Variants in PTPRJ observed in about 807,000 individuals in gnomAD.
PTPRJ encodes the protein receptor-type tyrosine-protein phosphatase eta.
A neutral mutation model predicts 141.3 loss-of-function variants in PTPRJ; 129 were observed. The ratio of observed to expected loss-of-function variants is 0.91; its 90% CI spans 0.79 to 1.06. The LOEUF (loss-of-function observed/expected upper bound fraction) is 1.06, where lower values mean the gene tolerates loss of function less well. Among genes scored for constraint, PTPRJ ranks in the 50% least tolerant of loss-of-function variants. PTPRJ has a pLI of 0.00. For synonymous variants in PTPRJ, 610 were observed against 640.5 expected (o/e 0.95, Z 0.72); for missense variants, 1,601 against 1,679.7 (o/e 0.95, Z 0.82).
rs532303587 is a variant in PTPRJ, at chr11:48,169,230, G to A, written c.*1868G>A. The A allele has an allele frequency of 6.6e-6, 1 of 152,314 alleles. No individual in the cohort carries two copies. The highest frequency in any genetic ancestry group is 6.5e-5 in the Admixed American group (1 of 15,296). The allele number at this position is 152,314 out of a possible 1,614,324, so 9.4% of individuals were successfully genotyped here. A position where few individuals can be genotyped will look rare whatever the true frequency, so the allele number is the denominator to read the frequency against. On this transcript the variant is annotated 3_prime_UTR_variant, in exon 25 of 25. Coordinates refer to ENST00000418331, the MANE Select transcript of PTPRJ (RefSeq NM_002843.4). ...GGTACTGAAAGGATGAAAAGGTGGTGTCATGTTTTGGGGAGAATCTTACTT... is the reference window on the plus strand; with the variant it reads ...GGTACTGAAAGGATGAAAAGGTGGTATCATGTTTTGGGGAGAATCTTACTT...
intron 1 of PTPRJ, among the ~76,000 whole-genome samples, chr11:48,109,078 G>A (rs1016103595): frequency 6.6e-6 from 1 of 152,092 alleles, no homozygotes; most frequent in Non-Finnish European, 1.5e-5. Context: ...GAAAAGGTCT[G>A]GGCAGAGTGT....
At chr11:48,130,763 A>G in intron 8 of PTPRJ, 47 bp downstream of exon 8, 1 of 1,494,608 alleles carries the variant, frequency 6.7e-7, no homozygotes, top group Non-Finnish European at 9.0e-7. Context: ...TCTTAAAGGA[A>G]ATCAGTATAA....
intron 1 of PTPRJ, among the ~76,000 whole-genome samples, chr11:47,999,003 A>G (rs1854421034): frequency 6.6e-6 from 1 of 152,234 alleles, no homozygotes; most frequent in Non-Finnish European, 1.5e-5. Flanking sequence ...GCAACTTGGT[A>G]GTTAATGATT....
Position 48,075,476 on chromosome 11 carries a change from G to T in PTPRJ, c.97-34582G>T, listed in dbSNP as rs564827553. On this transcript the variant is annotated intron_variant, in intron 1 of 24. Transcript: ENST00000418331. ...CTCACTCTATCACCCAGGCTGGAGT[G>T]CAGTGGTGCAGTCATAGCTCACTGC... 2.4e-4 allele frequency among the ~76,000 whole-genome samples: 37 copies of T among 152,280 alleles called. No homozygotes were observed. The South Asian group carries it at 7.5e-3, about 31-fold the overall frequency.
rs143802852 is a variant in PTPRJ at position 48,084,523 on chromosome 11, T to A, written c.97-25535T>A. ...GGCCCATGTCCCCAATCAGGTTTGATTATGCAAATGAAGGGGGCGGGTCAA... is the reference window on the plus strand; with the variant it reads ...GGCCCATGTCCCCAATCAGGTTTGAATATGCAAATGAAGGGGGCGGGTCAA... On this transcript the variant is annotated intron_variant, in intron 1 of 24. Transcript: ENST00000418331. 6.6e-5 allele frequency among the ~76,000 whole-genome samples: 10 copies of A among 152,280 alleles called. No homozygotes were observed. In the East Asian group the frequency reaches 1.5e-3, roughly 23 times the overall value.
rs1404588807 is a variant in PTPRJ, at chr11:48,144,706, C to T, written c.2607C>T (p.Tyr869=). Residue 869 remains tyrosine (Y), a synonymous_variant, in exon 13 of 25, where the codon TAC becomes TAT. Transcript: ENST00000418331. ...AGHPSADVLK[Y]TYEDFKKGAS... is the part of the protein sequence containing the mutation. ...ACCCTTCTGCAGATGTCCTGAAATA[C>T]ACGTATGAGGATTTCAAAAAGGGAG... is the stretch of plus-strand genomic sequence containing the variant. The T allele has an allele frequency of 6.2e-7, 1 of 1,614,068 alleles. No homozygotes were observed. The highest frequency in any genetic ancestry group is 8.5e-7 in the Non-Finnish European group (1 of 1,179,922).
chr11:48,162,930 G>A (rs1341967701), intron 22 of PTPRJ, among the ~76,000 whole-genome samples: 6 of 152,160 alleles, frequency 3.9e-5, no homozygotes, highest in African/African-American at 1.4e-4. Context: ...CTTGCTAGTG[G>A]CCTGTCACTT....
intron 1 of PTPRJ, among the ~76,000 whole-genome samples, chr11:47,991,868 A>G (rs1854200785): frequency 6.6e-6 from 1 of 152,192 alleles, no homozygotes; most frequent in Non-Finnish European, 1.5e-5. Context: ...ATGGATCTGC[A>G]TGACAAATGC....
chr11:48,080,798 T>C (rs10742827), intron 1 of PTPRJ, among the ~76,000 whole-genome samples: 103,171 of 152,082 alleles, frequency 0.68, 36,004 homozygotes, highest in East Asian at 0.81. Context: ...CAGAGTACCT[T>C]AGCTCTGTCT....
chr11:47,980,592 G>A lies in PTPRJ; in HGVS notation c.-321G>A, dbSNP rs1853868314. 3 of 983,000 alleles carry A rather than the reference G, an allele frequency of 3.1e-6. No individual in the cohort carries two copies. The South Asian group carries it at 1.4e-4, about 46-fold the overall frequency. 60.9% of individuals were successfully genotyped at this position (983,000 alleles called of 1,614,324 possible). A position where few individuals can be genotyped will look rare whatever the true frequency, so the allele number is the denominator to read the frequency against. On this transcript the variant is annotated 5_prime_UTR_variant, in exon 1 of 25. Transcript: ENST00000418331. ...CCGCATGACGCGCGGAGGAGGCAGC[G>A]GGAGCAGCCGCGGGAGCCGGGACCG...
intron 1 of PTPRJ, among the ~76,000 whole-genome samples, chr11:48,080,452 G>GT (rs1176073125): frequency 6.6e-6 from 1 of 152,188 alleles, no homozygotes; most frequent in African/African-American, 2.4e-5. Flanking sequence ...TTGGATCAGA[G>GT]TCCATCTGAG....
intron 6 of PTPRJ, 80 bp downstream of exon 6, chr11:48,125,266 G>T: frequency 6.7e-7 from 1 of 1,485,818 alleles, no homozygotes; most frequent in Admixed American, 1.8e-5. Flanking sequence ...GATTCTGAGT[G>T]ATTTCTTGCA....
chr11:48,163,392 C>T (rs1009362055), intron 22 of PTPRJ, 66 bp from the exon 23 acceptor site: 17 of 1,498,328 alleles, frequency 1.1e-5, no homozygotes, highest in Non-Finnish European at 1.6e-5. Context: ...GCTTGATTTC[C>T]CCTGCCTTTT....
At chr11:48,051,084 CTTTTTTTTTTTTTTTTT>C (rs59987198) in intron 1 of PTPRJ, among the ~76,000 whole-genome samples, 5 of 79,310 alleles carry the variant, frequency 6.3e-5, no homozygotes, top group Non-Finnish European at 9.1e-5. Context: ...TAACTGATGA[CTTTTTTTTTTTTTTTTT>C]TTTTTTTTTT....
intron 1 of PTPRJ, among the ~76,000 whole-genome samples, chr11:48,006,346 C>T (rs1471385054): frequency 1.3e-5 from 2 of 151,682 alleles, no homozygotes; most frequent in Non-Finnish European, 2.9e-5. Context: ...GAAAGGAGGG[C>T]AGAATCTGCT....
At chr11:48,088,724 T>C (rs1855779378) in intron 1 of PTPRJ, among the ~76,000 whole-genome samples, 2 of 152,198 alleles carry the variant, frequency 1.3e-5, no homozygotes, top group Admixed American at 1.3e-4. Context: ...GAGCTTCTTA[T>C]GGCTCTTATG....
intron 1 of PTPRJ, among the ~76,000 whole-genome samples, chr11:48,010,533 T>C (rs1017609665): frequency 1.3e-5 from 2 of 151,670 alleles, no homozygotes; most frequent in Non-Finnish European, 2.9e-5. Flanking sequence ...GAGTTAGGCT[T>C]TTATTATTAT....
chr11:48,097,702 TAA>T (rs1166145258), intron 1 of PTPRJ, among the ~76,000 whole-genome samples: 1 of 152,070 alleles, frequency 6.6e-6, no homozygotes, highest in African/African-American at 2.4e-5. Flanking sequence ...CAAGCCCGGC[TAA>T]GTTTTTGTAT....
chr11:48,129,999 A>G (rs1319919479), intron 7 of PTPRJ, among the ~76,000 whole-genome samples: 1 of 120,872 alleles, frequency 8.3e-6, no homozygotes, highest in Admixed American at 9.6e-5. Context: ...TGTTTCCAAC[A>G]GGTATGCACA....
Sources: gnomAD v4.1 joint callset for allele counts (sites outside exome capture counted in the v4.1 genomes callset) on GRCh38, gnomAD v4.1.1 for gene constraint, MANE v1.5 for transcripts, NCBI Gene and HGNC (gene_info 2026-07-23, HGNC 2026-07-21) for gene names.